Variants in LEMD3 observed in about 807,000 individuals in gnomAD.
LEMD3 encodes LEM domain containing 3.
A neutral mutation model predicts 95.2 loss-of-function variants in LEMD3; 33 were observed. The observed-to-expected ratio is 0.35, with a 90% CI of 0.26 to 0.46. The LOEUF (loss-of-function observed/expected upper bound fraction) is 0.46. Among genes scored for constraint, LEMD3 ranks in the 20% least tolerant of loss-of-function variants. The pLI is 1.00. For synonymous variants in LEMD3, 525 were observed against 474.6 expected, an observed-to-expected ratio of 1.11 and a Z score of -1.38; for missense variants, 1,210 against 1,192.8, an observed-to-expected ratio of 1.01 and a Z score of -0.21.
intron 1 of LEMD3, among the ~76,000 whole-genome samples, chr12:65,185,255 G>A (rs1451914989): frequency 8.5e-5 from 13 of 152,072 alleles, no homozygotes; most frequent in Admixed American, 8.5e-4. Flanking sequence ...TCTTTAGTGA[G>A]GATTGAGCCA....
At chr12:65,226,735 T>C (rs1293816912) in intron 4 of LEMD3, among the ~76,000 whole-genome samples, 1 of 152,198 alleles carries the variant, frequency 6.6e-6, no homozygotes, top group Non-Finnish European at 1.5e-5. Context: ...TCTCTAACTT[T>C]TCTGAACATG....
At chr12:65,194,741 GTGGTCTTTC>G (rs1869356596) in intron 1 of LEMD3, among the ~76,000 whole-genome samples, 1 of 70,122 alleles carries the variant, frequency 1.4e-5, no homozygotes, top group African/African-American at 6.0e-5. Context: ...TCCTAATTTT[GTGGTCTTTC>G]ATTAGTTTTA....
At chr12:65,228,241 A>G (rs998320012) in intron 4 of LEMD3, among the ~76,000 whole-genome samples, 1 of 152,180 alleles carries the variant, frequency 6.6e-6, no homozygotes, top group South Asian at 2.1e-4. Context: ...GCAATAGAGT[A>G]TAAGATTAAT....
chr12:65,175,161 G>C (rs529530067), intron 1 of LEMD3, among the ~76,000 whole-genome samples: 1 of 152,156 alleles, frequency 6.6e-6, no homozygotes, highest in African/African-American at 2.4e-5. Context: ...AGACCTAAAC[G>C]CCTTGAGGGC....
chr12:65,188,778 GGAA>G (rs1344989175), intron 1 of LEMD3, among the ~76,000 whole-genome samples: 1 of 152,106 alleles, frequency 6.6e-6, no homozygotes, highest in African/African-American at 2.4e-5. Context: ...TCAGGCTCAT[GGAA>G]GAAGTATTCC....
chr12:65,183,962 C>T (rs948735974), intron 1 of LEMD3, among the ~76,000 whole-genome samples: 14 of 152,006 alleles, frequency 9.2e-5, no homozygotes, highest in Admixed American at 2.6e-4. Flanking sequence ...GTTACAGGAC[C>T]GTGGCGGCAG....
At chr12:65,241,617 A>C (rs1323423636) in intron 9 of LEMD3, among the ~76,000 whole-genome samples, 1 of 152,252 alleles carries the variant, frequency 6.6e-6, no homozygotes, top group East Asian at 1.9e-4. Flanking sequence ...TATAAATAAG[A>C]AAGGGGTAAG....
At chr12:65,237,374 A>G (rs1870804247) in intron 4 of LEMD3, among the ~76,000 whole-genome samples, 3 of 152,158 alleles carry the variant, frequency 2.0e-5, no homozygotes. Flanking sequence ...TGTAGTCAAA[A>G]CATTGGAAAG....
Position 65,169,592 on chromosome 12 carries a change from A to G in LEMD3, c.-5A>G. On this transcript the variant is annotated 5_prime_UTR_variant, in exon 1 of 13. Transcript: ENST00000308330. ...GCGGAGCTTGTAAAACACCCTGGAGAGAAAATGGCGGCGGCAGCAGCTTCG... is the reference window on the plus strand; with the variant it reads ...GCGGAGCTTGTAAAACACCCTGGAGGGAAAATGGCGGCGGCAGCAGCTTCG... The G allele has an allele frequency of 6.3e-7, 1 of 1,588,960 alleles. No homozygotes were observed. The highest frequency in any genetic ancestry group is 8.6e-7 in the Non-Finnish European group (1 of 1,169,426).
chr12:65,189,263 G>A (rs1004925430), intron 1 of LEMD3, among the ~76,000 whole-genome samples: 1 of 152,112 alleles, frequency 6.6e-6, no homozygotes, highest in Non-Finnish European at 1.5e-5. Context: ...AGGGAGGAGG[G>A]ACTACTGTCA....
chr12:65,206,200 A>G (rs891361805), intron 1 of LEMD3, among the ~76,000 whole-genome samples: 2 of 152,128 alleles, frequency 1.3e-5, no homozygotes, highest in African/African-American at 4.8e-5. Flanking sequence ...ATACTAGAAG[A>G]TGGGATTTGA....
intron 4 of LEMD3, among the ~76,000 whole-genome samples, chr12:65,232,708 C>T (rs528553660): frequency 6.6e-6 from 1 of 152,138 alleles, no homozygotes; most frequent in South Asian, 2.1e-4. Flanking sequence ...TCTGGTGGAA[C>T]ATTGAAGAAA....
intron 10 of LEMD3, 141 bp downstream of exon 10, chr12:65,243,610 CTT>C: frequency 1.5e-6 from 1 of 677,452 alleles, no homozygotes; most frequent in Non-Finnish European, 2.7e-6. Context: ...ATGTTTTTCT[CTT>C]TCATTAAATT....
At position 65,170,345 on chromosome 12, in the gene LEMD3, T is replaced by C. The variant is rs771503173; in HGVS notation, c.749T>C (p.Val250Ala). ...ASRTVNGSRL[V>A]PYSCRENYSD... ...CGGACCGTGAATGGCAGCCGGCTTGTCCCCTACAGCTGCCGGGAAAACTAT... is the reference window on the plus strand; with the variant it reads ...CGGACCGTGAATGGCAGCCGGCTTGCCCCCTACAGCTGCCGGGAAAACTAT... Residue 250 changes from valine (V) to alanine (A), a missense_variant, in exon 1 of 13, where the codon GTC becomes GCC. By Grantham distance (64) the Val-to-Ala change is moderately conservative. This residue lies in a region of LEMD3 where 749 missense variants were observed against 622.9 expected (regional missense o/e 1.20). Transcript: ENST00000308330. 1 of 1,608,140 alleles carries C rather than the reference T, an allele frequency of 6.2e-7. No individual in the cohort carries two copies. Among genetic ancestry groups the C allele is most frequent in the South Asian group, 1.1e-5 (1 of 90,420 alleles).
At chr12:65,193,114 T>C (rs1297493053) in intron 1 of LEMD3, among the ~76,000 whole-genome samples, 1 of 152,184 alleles carries the variant, frequency 6.6e-6, no homozygotes, top group African/African-American at 2.4e-5. Flanking sequence ...TGTCGGCGAA[T>C]TCATACGGCT....
chr12:65,181,579 G>C (rs1039514023), intron 1 of LEMD3, among the ~76,000 whole-genome samples: 4 of 152,074 alleles, frequency 2.6e-5, no homozygotes, highest in Admixed American at 2.6e-4. Flanking sequence ...GTAAATTTGA[G>C]TATACCATCT....
intron 4 of LEMD3, among the ~76,000 whole-genome samples, chr12:65,226,831 A>T (rs1870462033): frequency 6.6e-6 from 1 of 152,224 alleles, no homozygotes; most frequent in Admixed American, 6.5e-5. Context: ...TCAGTGCCTG[A>T]TGATTATAGT....
At chr12:65,206,621 C>T (rs925812169) in intron 1 of LEMD3, among the ~76,000 whole-genome samples, 2 of 152,022 alleles carry the variant, frequency 1.3e-5, no homozygotes, top group Admixed American at 6.6e-5. Flanking sequence ...GAACAGAGTG[C>T]CATGGCCTGA....
At position 65,245,781 on chromosome 12, in the gene LEMD3, T is replaced by G; in HGVS notation, c.2493+7T>G. On this transcript the variant is annotated splice_region_variant and intron_variant, in intron 11 of 12. Transcript: ENST00000308330. ...AGACAAAAATTCACGTGAGGTAAAG[T>G]AACTTTTGGTATTGAATTTCATGTT... 6.2e-7 allele frequency: 1 copy of G among 1,608,718 alleles called. No individual in the cohort carries two copies. The highest frequency in any genetic ancestry group is 8.5e-7 in the Non-Finnish European group (1 of 1,175,190).
Sources: gnomAD v4.1 joint callset for allele counts (sites outside exome capture counted in the v4.1 genomes callset) on GRCh38, gnomAD v4.1.1 for gene constraint, gnomAD v4.1.1 regional missense constraint, MANE v1.5 for transcripts, NCBI Gene and HGNC (gene_info 2026-07-23, HGNC 2026-07-21) for gene names.